Variants in TTC7B observed in about 807,000 individuals in gnomAD.
TTC7B encodes tetratricopeptide repeat domain 7B.
In TTC7B, 28 loss-of-function variants were observed where a neutral mutation model predicts 106.8. The ratio of observed to expected loss-of-function variants is 0.26; its 90% CI spans 0.19 to 0.36. TTC7B has a LOEUF of 0.36. Among genes scored for constraint, TTC7B ranks in the 10% least tolerant of loss-of-function variants. The pLI is 1.00. For synonymous variants in TTC7B, 405 were observed against 430.6 expected (o/e 0.94, Z 0.74); for missense variants, 862 against 1,076.4 (o/e 0.80, Z 2.79).
At chr14:90,558,974 T>C in intron 19 of TTC7B, among the ~76,000 whole-genome samples, 1 of 152,212 alleles carries the variant, frequency 6.6e-6, no homozygotes. Context: ...GAAATGATGC[T>C]TGGGTGACGG....
chr14:90,577,053 A>G lies in TTC7B; in HGVS notation c.2310+1053T>C, dbSNP rs1363399268. Among the ~76,000 whole-genome samples, 7 of 151,978 alleles carry G rather than the reference A, an allele frequency of 4.6e-5. No individual in the cohort carries two copies. Among genetic ancestry groups the G allele is most frequent in the Non-Finnish European group, 8.8e-5 (6 of 67,966 alleles). On this transcript the variant is annotated intron_variant, in intron 19 of 19. Coordinates refer to ENST00000328459, the MANE Select transcript of TTC7B (RefSeq NM_001010854.2). The surrounding 1 kb of genome is among the most constrained non-coding windows in gnomAD (Gnocchi z 5.0). Reference sequence around the variant, plus strand: ...TCCTCAGACTCCCTGTCCAGTGCTCACTCTTCCATATCACACACCACCATC... The same window carrying G: ...TCCTCAGACTCCCTGTCCAGTGCTCGCTCTTCCATATCACACACCACCATC...
At chr14:90,620,358 T>C (rs1312850272) in intron 15 of TTC7B, among the ~76,000 whole-genome samples, 1 of 152,134 alleles carries the variant, frequency 6.6e-6, no homozygotes, top group Non-Finnish European at 1.5e-5. Context: ...AGGGTGCCTC[T>C]GTGGGGATTA....
intron 15 of TTC7B, among the ~76,000 whole-genome samples, chr14:90,628,636 G>A (rs1057300509): frequency 6.6e-6 from 1 of 152,228 alleles, no homozygotes. Context: ...AACTAGGAAG[G>A]AAGGGGCCTG....
At chr14:90,585,185 G>A (rs902293538) in intron 18 of TTC7B, among the ~76,000 whole-genome samples, 23 of 152,198 alleles carry the variant, frequency 1.5e-4, no homozygotes, top group African/African-American at 4.8e-4. Flanking sequence ...CTTTGCCAGG[G>A]TCGGGCTGTG....
At chr14:90,815,729 TC>T (rs2031133135) in intron 1 of TTC7B, among the ~76,000 whole-genome samples, 1 of 151,836 alleles carries the variant, frequency 6.6e-6, no homozygotes, top group African/African-American at 2.4e-5. Context: ...AACACCCCAT[TC>T]TCAAGACCCC....
chr14:90,716,315 A>C (rs568785634), intron 5 of TTC7B, among the ~76,000 whole-genome samples: 6 of 152,356 alleles, frequency 3.9e-5, no homozygotes. Context: ...CCAATCAGAC[A>C]CTGAGGATGA....
chr14:90,761,291 GA>G (rs1158160531), intron 3 of TTC7B, among the ~76,000 whole-genome samples: 6 of 152,212 alleles, frequency 3.9e-5, no homozygotes, highest in Non-Finnish European at 7.3e-5. Flanking sequence ...TACTCCTGCA[GA>G]TAACATCACT....
intron 18 of TTC7B, among the ~76,000 whole-genome samples, chr14:90,590,069 G>A (rs1346889554): frequency 6.6e-6 from 1 of 152,208 alleles, no homozygotes; most frequent in Non-Finnish European, 1.5e-5. Context: ...ACCGGTGACA[G>A]TGGTTGCCTG....
chr14:90,800,584 G>T (rs1011318978), intron 1 of TTC7B, among the ~76,000 whole-genome samples: 1 of 152,100 alleles, frequency 6.6e-6, no homozygotes, highest in African/African-American at 2.4e-5. Context: ...GGCCGAGGCA[G>T]GCGGATCATG....
chr14:90,605,818 GA>G, intron 17 of TTC7B: 2 of 1,160,234 alleles, frequency 1.7e-6, no homozygotes, highest in Non-Finnish European at 2.2e-6. Flanking sequence ...GAAACACAAA[GA>G]AAAAAATAAA....
chr14:90,600,083 G>C lies in TTC7B; in HGVS notation c.1967-6457C>G, dbSNP rs190202615. Among the ~76,000 whole-genome samples the C allele has an allele frequency of 6.6e-6, 1 of 152,200 alleles. No homozygotes were observed. The highest frequency in any genetic ancestry group is 6.5e-5 in the Admixed American group (1 of 15,288). On this transcript the variant is annotated intron_variant, in intron 17 of 19. Transcript: ENST00000328459. The surrounding 1 kb of genome is among the most constrained non-coding windows in gnomAD (Gnocchi z 4.3). ...CTGGGGGCTGAGGACGGGAGGAGGC[G>C]AAGGAGTTAGTGTTGACTGTCTCTT...
chr14:90,760,029 C>G (rs1015237312), intron 3 of TTC7B, among the ~76,000 whole-genome samples: 1 of 152,154 alleles, frequency 6.6e-6, no homozygotes, highest in Non-Finnish European at 1.5e-5. Flanking sequence ...AGGCAAATGG[C>G]AGATGTGAAA....
chr14:90,789,667 C>T (rs1408038271), intron 1 of TTC7B, among the ~76,000 whole-genome samples: 2 of 151,860 alleles, frequency 1.3e-5, no homozygotes, highest in Non-Finnish European at 2.9e-5. Flanking sequence ...GAGGCCAGGG[C>T]AGGTGGATCA....
intron 3 of TTC7B, among the ~76,000 whole-genome samples, chr14:90,769,992 T>TA (rs1303662063): frequency 6.7e-6 from 1 of 150,172 alleles, no homozygotes; most frequent in Non-Finnish European, 1.5e-5. Flanking sequence ...CTACAAAAAA[T>TA]AAAAAAATTA....
intron 2 of TTC7B, among the ~76,000 whole-genome samples, chr14:90,782,535 G>T (rs886216075): frequency 6.6e-6 from 1 of 152,138 alleles, no homozygotes; most frequent in Non-Finnish European, 1.5e-5. Context: ...GGAGGCGGAG[G>T]TTGCAGTGAG....
At chr14:90,632,553 C>CCAGA (rs1884746582) in intron 15 of TTC7B, among the ~76,000 whole-genome samples, 1 of 152,188 alleles carries the variant, frequency 6.6e-6, no homozygotes, top group Non-Finnish European at 1.5e-5. Context: ...CATAAAACTC[C>CCAGA]TGCTCATCTG....
intron 3 of TTC7B, among the ~76,000 whole-genome samples, chr14:90,773,467 C>T (rs1339785449): frequency 2.0e-5 from 3 of 152,174 alleles, no homozygotes; most frequent in Non-Finnish European, 4.4e-5. Flanking sequence ...CCCATCTCAA[C>T]TCTGAAAAGC....
chr14:90,785,063 C>A (rs1337650571), intron 2 of TTC7B, among the ~76,000 whole-genome samples: 7 of 152,140 alleles, frequency 4.6e-5, no homozygotes, highest in African/African-American at 1.7e-4. Flanking sequence ...AGGCTTAGAA[C>A]ATGCAGGAGC....
Position 90,747,622 on chromosome 14 carries a change from A to T in TTC7B, c.446-2700T>A, listed in dbSNP as rs192756961. ...GTTGTTGTTGGGTGGAATGTCATAT[A>T]AATGTCGATTAGGTCAAGTTGGTAT... is the stretch of plus-strand genomic sequence containing the variant. On this transcript the variant is annotated intron_variant, in intron 3 of 19. Coordinates refer to ENST00000328459, the MANE Select transcript of TTC7B (RefSeq NM_001010854.2). 2.0e-3 allele frequency among the ~76,000 whole-genome samples: 299 copies of T among 152,282 alleles called. 5 individuals carry two copies. Among genetic ancestry groups the T allele is most frequent in the African/African-American group, 7.0e-3 (291 of 41,556 alleles).
Sources: gnomAD v4.1 joint callset for allele counts (sites outside exome capture counted in the v4.1 genomes callset) on GRCh38, gnomAD v4.1.1 for gene constraint, Gnocchi (gnomAD v3.1) non-coding constraint, MANE v1.5 for transcripts, NCBI Gene and HGNC (gene_info 2026-07-23, HGNC 2026-07-21) for gene names.